Variants in SCFD2 observed in about 807,000 individuals in gnomAD.
The protein encoded by SCFD2 is sec1 family domain-containing protein 2.
SCFD2 carries 54 observed loss-of-function variants against 58.9 expected under a neutral mutation model. The ratio of observed to expected loss-of-function variants is 0.92; its 90% CI spans 0.74 to 1.15. SCFD2 has a LOEUF of 1.15. SCFD2 is among the 50% of genes most tolerant of loss of function. The probability of loss-of-function intolerance (pLI) is 0.00; values close to 1 mark genes in which losing one functional copy is unlikely to be tolerated. For missense variants in SCFD2, 805 were observed against 836.6 expected (o/e 0.96, Z 0.47); for synonymous variants, 321 against 335.9 (o/e 0.96, Z 0.49).
At chr4:53,352,493 C>A in intron 2 of SCFD2, 105 bp downstream of exon 2, 1 of 934,054 alleles carries the variant, frequency 1.1e-6, no homozygotes, top group Non-Finnish European at 1.5e-6. Context: ...AAATTTTCAA[C>A]CAGACCAATT....
At chr4:53,181,034 T>C (rs1046906465) in intron 4 of SCFD2, among the ~76,000 whole-genome samples, 6 of 152,060 alleles carry the variant, frequency 3.9e-5, no homozygotes, top group Non-Finnish European at 7.4e-5. Context: ...CCAAAAAAAG[T>C]CCAGGACCAG....
rs186458991 is a variant in SCFD2 at position 53,092,806 on chromosome 4, G to A, written c.1561+52527C>T. 5.3e-4 allele frequency among the ~76,000 whole-genome samples: 80 copies of A among 152,144 alleles called. 1 individual carries two copies. Among genetic ancestry groups the A allele is most frequent in the Non-Finnish European group, 4.0e-4 (27 of 67,990 alleles). Reference sequence around the variant, plus strand: ...ACAGATTAATGATTTCCATGAGGTAGGTAGGGATGATGAAAATAAAAATAC... The same window carrying A: ...ACAGATTAATGATTTCCATGAGGTAAGTAGGGATGATGAAAATAAAAATAC... On this transcript the variant is annotated intron_variant, in intron 5 of 8. Coordinates refer to ENST00000401642, the MANE Select transcript of SCFD2 (RefSeq NM_152540.4).
intron 2 of SCFD2, among the ~76,000 whole-genome samples, chr4:53,348,779 A>G (rs1734133313): frequency 6.6e-6 from 1 of 151,532 alleles, no homozygotes; most frequent in Non-Finnish European, 1.5e-5. Flanking sequence ...CCATGGCCCA[A>G]TCTCAACTCA....
At chr4:52,887,618 C>A (rs1419332917) in intron 7 of SCFD2, among the ~76,000 whole-genome samples, 1 of 152,154 alleles carries the variant, frequency 6.6e-6, no homozygotes, top group Non-Finnish European at 1.5e-5. Context: ...ATGGAGCATG[C>A]ATGGAGTCCT....
At chr4:53,105,515 CAT>C (rs1194574422) in intron 5 of SCFD2, among the ~76,000 whole-genome samples, 14 of 152,316 alleles carry the variant, frequency 9.2e-5, no homozygotes, top group African/African-American at 2.4e-4. Context: ...GGGTGTTTAC[CAT>C]TTCTGACACT....
chr4:53,337,315 C>T (rs1733716037), intron 2 of SCFD2, among the ~76,000 whole-genome samples: 1 of 152,144 alleles, frequency 6.6e-6, no homozygotes, highest in South Asian at 2.1e-4. Context: ...TAGGGCCTAC[C>T]ATAACAGCCT....
At chr4:53,321,901 C>G (rs1343355691) in intron 2 of SCFD2, among the ~76,000 whole-genome samples, 1 of 152,116 alleles carries the variant, frequency 6.6e-6, no homozygotes, top group Admixed American at 6.6e-5. Context: ...GTGAGCTGGG[C>G]ATGGATGCTG....
chr4:53,180,442 T>A lies in SCFD2; in HGVS notation c.1312-34860A>T, dbSNP rs548515885. On this transcript the variant is annotated intron_variant, in intron 4 of 8. Transcript: ENST00000401642. ...AATGAAGGCAGAAATAAAGATGTTC[T>A]TTGAAACCAACGAGAACAAAGACAC... Among the ~76,000 whole-genome samples the A allele has an allele frequency of 5.3e-5, 8 of 152,210 alleles. 1 individual carries two copies. In the South Asian group the frequency reaches 1.0e-3, roughly 20 times the overall value.
chr4:52,932,956 G>C (rs1720034532), intron 5 of SCFD2, among the ~76,000 whole-genome samples: 1 of 152,170 alleles, frequency 6.6e-6, no homozygotes, highest in Non-Finnish European at 1.5e-5. Context: ...TCAGAGTTGG[G>C]ACACAGTCCA....
At chr4:53,296,644 T>A (rs1732044773) in intron 3 of SCFD2, among the ~76,000 whole-genome samples, 1 of 152,200 alleles carries the variant, frequency 6.6e-6, no homozygotes, top group Admixed American at 6.5e-5. Flanking sequence ...CTCCTTCAGT[T>A]CTGCTCGATC....
At chr4:53,190,990 C>T (rs1198275951) in intron 4 of SCFD2, among the ~76,000 whole-genome samples, 2 of 152,132 alleles carry the variant, frequency 1.3e-5, no homozygotes, top group African/African-American at 2.4e-5. Context: ...CAAAAAACTA[C>T]ACCAATAACC....
At chr4:53,291,279 G>A (rs1230623093) in intron 3 of SCFD2, among the ~76,000 whole-genome samples, 1 of 151,788 alleles carries the variant, frequency 6.6e-6, no homozygotes, top group East Asian at 1.9e-4. Context: ...TGGCATGTAA[G>A]GCTACCTTAA....
At chr4:53,051,489 G>A (rs968044754) in intron 5 of SCFD2, among the ~76,000 whole-genome samples, 2 of 152,248 alleles carry the variant, frequency 1.3e-5, no homozygotes, top group East Asian at 1.9e-4. Context: ...GCCACCTAGG[G>A]GAAGCAACCC....
At chr4:53,325,260 TA>T (rs1373008833) in intron 2 of SCFD2, among the ~76,000 whole-genome samples, 3 of 150,642 alleles carry the variant, frequency 2.0e-5, no homozygotes, top group Non-Finnish European at 4.4e-5. Context: ...ACTGCCTTTC[TA>T]GGGGGCACAG....
intron 4 of SCFD2, among the ~76,000 whole-genome samples, chr4:53,212,552 G>A (rs759170030): frequency 5.4e-5 from 8 of 148,710 alleles, no homozygotes; most frequent in Non-Finnish European, 1.2e-4. Flanking sequence ...GAGATGGTAA[G>A]AGAGAGAGGA....
At chr4:53,156,187 G>C (rs1726676824) in intron 4 of SCFD2, among the ~76,000 whole-genome samples, 1 of 151,174 alleles carries the variant, frequency 6.6e-6, no homozygotes, top group Non-Finnish European at 1.5e-5. Flanking sequence ...TTCCAGACCA[G>C]CCTGGCCAAG....
chr4:53,067,371 G>T (rs1723692249), intron 5 of SCFD2, among the ~76,000 whole-genome samples: 1 of 151,968 alleles, frequency 6.6e-6, no homozygotes, highest in Non-Finnish European at 1.5e-5. Flanking sequence ...GCTCTCTGGG[G>T]TCAAGATCAC....
intron 4 of SCFD2, among the ~76,000 whole-genome samples, chr4:53,187,569 G>A (rs1364794282): frequency 2.6e-5 from 4 of 152,064 alleles, no homozygotes; most frequent in African/African-American, 9.7e-5. Context: ...CTAACAATGA[G>A]ACTAGTTAGT....
chr4:53,271,435 C>CTTTA (rs10524620), intron 4 of SCFD2, among the ~76,000 whole-genome samples: 52,751 of 139,134 alleles, frequency 0.38, 10,339 homozygotes, highest in African/African-American at 0.45. Context: ...ACATACATCA[C>CTTTA]TTTATTTATT....
Sources: gnomAD v4.1 joint callset for allele counts (sites outside exome capture counted in the v4.1 genomes callset) on GRCh38, gnomAD v4.1.1 for gene constraint, MANE v1.5 for transcripts, NCBI Gene and HGNC (gene_info 2026-07-23, HGNC 2026-07-21) for gene names.